Variants in EMC2 observed in about 807,000 individuals in gnomAD.
EMC2 encodes the protein ER membrane protein complex subunit 2, also known as TPR repeat protein 35.
Under a neutral mutation model 51.6 loss-of-function variants are expected in EMC2, and 37 were observed. The observed-to-expected ratio is 0.72, with a 90% CI of 0.55 to 0.94. The LOEUF is 0.94. Among genes scored for constraint, EMC2 ranks in the 40% least tolerant of loss-of-function variants. The pLI is 0.00. For synonymous variants in EMC2, 131 were observed against 112.4 expected (o/e 1.17, Z -1.04); for missense variants, 359 against 350.9 (o/e 1.02, Z -0.18).
intron 9 of EMC2, among the ~76,000 whole-genome samples, chr8:108,477,111 A>G (rs1212008852): frequency 5.3e-5 from 8 of 151,916 alleles, no homozygotes; most frequent in Admixed American, 1.3e-4. Flanking sequence ...ACTATCTTTT[A>G]TATCAGAATT....
At chr8:108,447,752 A>G (rs563920840) in intron 1 of EMC2, among the ~76,000 whole-genome samples, 2 of 152,246 alleles carry the variant, frequency 1.3e-5, no homozygotes, top group East Asian at 3.9e-4. Context: ...TAAAATGTAC[A>G]AGCAAGCAGT....
chr8:108,477,072 C>G (rs560103592), intron 9 of EMC2, among the ~76,000 whole-genome samples, 180 bp downstream of exon 9: 1 of 152,042 alleles, frequency 6.6e-6, no homozygotes, highest in East Asian at 1.9e-4. Context: ...GTTAACACAG[C>G]CTAGCTGTTT....
chr8:108,456,115 T>C, intron 5 of EMC2, 185 bp downstream of exon 5: 1 of 194,982 alleles, frequency 5.1e-6, no homozygotes, highest in Non-Finnish European at 1.1e-5. Flanking sequence ...GATTTAAGAC[T>C]CTCCAATAAA....
rs2291168 is a variant in EMC2 at position 108,477,470 on chromosome 8, C to T, written c.702+578C>T. On this transcript the variant is annotated intron_variant, in intron 9 of 10. Transcript: ENST00000220853. ...TTAAAACATATATATAAAGTGAGCA[C>T]CTCCCTACAATAAGAAACGCTGGGA... is the stretch of plus-strand genomic sequence containing the variant. Among the ~76,000 whole-genome samples, 54 of 152,088 alleles carry T rather than the reference C, an allele frequency of 3.6e-4. No individual in the cohort carries two copies. The East Asian group carries it at 0.01, about 29-fold the overall frequency.
intron 5 of EMC2, among the ~76,000 whole-genome samples, chr8:108,456,332 C>CA (rs869162246): frequency 0.036 from 837 of 23,326 alleles, 100 homozygotes; most frequent in African/African-American, 0.12. Context: ...GACTTCGTGT[C>CA]AAAAAAAAAA....
chr8:108,453,044 C>G lies in EMC2; in HGVS notation c.220-18C>G, dbSNP rs761388879. 5 of 1,497,026 alleles carry G rather than the reference C, an allele frequency of 3.3e-6. No homozygotes were observed. In the African/African-American group the frequency reaches 5.6e-5, roughly 17 times the overall value. The allele number at this position is 1,497,026 out of a possible 1,614,324, so 92.7% of individuals were successfully genotyped here. On this transcript the variant is annotated intron_variant, in intron 3 of 10. Coordinates refer to ENST00000220853, the MANE Select transcript of EMC2 (RefSeq NM_014673.5). The stretch of plus-strand genomic sequence containing the variant: ...TAGTATAAATAATGTAATTACTACT[C>G]AACCCTTATTTTTTCAGTTTTGTCT...
chr8:108,478,142 T>A (rs1008877858), intron 9 of EMC2, among the ~76,000 whole-genome samples: 1 of 152,072 alleles, frequency 6.6e-6, no homozygotes, highest in African/African-American at 2.4e-5. Flanking sequence ...TGAAAGAGCC[T>A]ATAGCACAGG....
At chr8:108,481,900 C>A (rs1811050179) in intron 10 of EMC2, among the ~76,000 whole-genome samples, 1 of 152,008 alleles carries the variant, frequency 6.6e-6, no homozygotes, top group African/African-American at 2.4e-5. Flanking sequence ...TTCTGTAGTT[C>A]ATTGTATGAA....
intron 5 of EMC2, among the ~76,000 whole-genome samples, chr8:108,461,548 G>A (rs1355541103): frequency 6.6e-6 from 1 of 152,144 alleles, no homozygotes; most frequent in Non-Finnish European, 1.5e-5. Flanking sequence ...TATCCCAAGT[G>A]AATGCATGAA....
chr8:108,458,360 G>T (rs764493074), intron 5 of EMC2, among the ~76,000 whole-genome samples: 54 of 152,128 alleles, frequency 3.5e-4, no homozygotes, highest in Non-Finnish European at 5.1e-4. Context: ...TTGTGTGGGG[G>T]CTCTGGCCCC....
intron 4 of EMC2, among the ~76,000 whole-genome samples, chr8:108,454,465 CAGTT>C (rs1290827938): frequency 1.3e-5 from 2 of 152,034 alleles, no homozygotes; most frequent in Non-Finnish European, 2.9e-5. Flanking sequence ...TACTGATTCA[CAGTT>C]AGGGCAAATA....
intron 1 of EMC2, among the ~76,000 whole-genome samples, chr8:108,448,870 G>T (rs1263819404): frequency 1.3e-5 from 2 of 151,800 alleles, no homozygotes; most frequent in South Asian, 2.1e-4. Flanking sequence ...GCACCAGAAT[G>T]ATTTTCCTGT....
chr8:108,460,273 G>A (rs887928378), intron 5 of EMC2, among the ~76,000 whole-genome samples: 5 of 152,148 alleles, frequency 3.3e-5, no homozygotes, highest in Non-Finnish European at 7.4e-5. Flanking sequence ...CACTTCTTCA[G>A]ACTATAAGAT....
In EMC2 at chr8:108,488,784, G is replaced by A. The variant is rs1304394370; in HGVS notation, c.*2186G>A. Among the ~76,000 whole-genome samples, 1 of 152,142 alleles carries A rather than the reference G, an allele frequency of 6.6e-6. No individual in the cohort carries two copies. Among genetic ancestry groups the A allele is most frequent in the Admixed American group, 6.5e-5 (1 of 15,270 alleles). On this transcript the variant is annotated 3_prime_UTR_variant, in exon 11 of 11. Coordinates refer to ENST00000220853, the MANE Select transcript of EMC2 (RefSeq NM_014673.5). ...AGTACGAGGCAGAACTTTTTGCAGT[G>A]AAGGAAATCAACCATCCATTCTGTC...
intron 1 of EMC2, among the ~76,000 whole-genome samples, 165 bp downstream of exon 1, chr8:108,443,863 G>C (rs1586170718): frequency 6.6e-6 from 1 of 152,132 alleles, no homozygotes; most frequent in African/African-American, 2.4e-5. Context: ...CCTTCCCTTG[G>C]CCCGGACGCG....
intron 10 of EMC2, 57 bp downstream of exon 10, chr8:108,479,167 G>T: frequency 1.9e-6 from 2 of 1,035,356 alleles, no homozygotes; most frequent in Non-Finnish European, 2.8e-6. Context: ...TCTTAGTTTT[G>T]TTACTACAAA....
chr8:108,470,715 A>T (rs1810838840), intron 7 of EMC2: 1 of 152,302 alleles, frequency 6.6e-6, no homozygotes, highest in Non-Finnish European at 1.5e-5. Flanking sequence ...TGAGAGGATT[A>T]GTCCAGAGTC....
At chr8:108,463,571 T>C (rs896681956) in intron 5 of EMC2, among the ~76,000 whole-genome samples, 1 of 152,222 alleles carries the variant, frequency 6.6e-6, no homozygotes, top group Non-Finnish European at 1.5e-5. Flanking sequence ...GTTGATTTCA[T>C]ACTTCAGAAG....
chr8:108,445,141 T>C (rs745963837), intron 1 of EMC2, among the ~76,000 whole-genome samples: 19 of 152,206 alleles, frequency 1.2e-4, no homozygotes, highest in Non-Finnish European at 2.8e-4. Context: ...CCTTACCCTG[T>C]GGTCATTCTA....
Sources: allele counts gnomAD v4.1 joint callset (sites outside exome capture counted in the v4.1 genomes callset), GRCh38; gene constraint gnomAD v4.1.1; transcripts MANE v1.5; gene names NCBI Gene and HGNC (gene_info 2026-07-23, HGNC 2026-07-21).